The following GNAQ variants were observed in gnomAD, a reference collection of about 807,000 sequenced individuals.
GNAQ encodes guanine nucleotide-binding protein G(q) subunit alpha.
GNAQ carries 8 observed loss-of-function variants against 43.9 expected under a neutral mutation model. That is an observed-to-expected ratio of 0.18 (90% CI 0.11 to 0.33). The LOEUF is 0.33. Among genes scored for constraint, GNAQ ranks in the 10% least tolerant of loss-of-function variants. The pLI, the probability that GNAQ is intolerant of heterozygous loss-of-function variation, is 1.00. For missense variants in GNAQ, 158 were observed against 450.8 expected, an observed-to-expected ratio of 0.35 and a Z score of 5.88; for synonymous variants, 155 against 170.7, an observed-to-expected ratio of 0.91 and a Z score of 0.71.
intron 5 of GNAQ, among the ~76,000 whole-genome samples, chr9:77,754,534 T>C (rs537683474): frequency 6.6e-6 from 1 of 152,348 alleles, no homozygotes; most frequent in East Asian, 1.9e-4. Flanking sequence ...TGTTCTGTCA[T>C]AATCACACTC....
intron 2 of GNAQ, among the ~76,000 whole-genome samples, chr9:77,828,192 C>T (rs982484510): frequency 2.0e-5 from 3 of 147,088 alleles, no homozygotes; most frequent in Admixed American, 6.8e-5. Flanking sequence ...GGTTAATTAT[C>T]ATTTCATGAA....
chr9:77,913,448 T>C (rs1828841857), intron 2 of GNAQ, among the ~76,000 whole-genome samples: 1 of 152,120 alleles, frequency 6.6e-6, no homozygotes. Flanking sequence ...TCAGTTACAC[T>C]AGGCACATTT....
chr9:77,869,993 T>A (rs892965020), intron 2 of GNAQ, among the ~76,000 whole-genome samples: 4 of 152,220 alleles, frequency 2.6e-5, no homozygotes, highest in African/African-American at 9.7e-5. Flanking sequence ...AATGCCTTCA[T>A]AATAGGGACT....
At chr9:77,979,233 A>G (rs1345349081) in intron 1 of GNAQ, among the ~76,000 whole-genome samples, 1 of 151,930 alleles carries the variant, frequency 6.6e-6, no homozygotes, top group East Asian at 1.9e-4. Flanking sequence ...GCGGATGCCT[A>G]TAATCCCAGT....
At chr9:77,927,084 C>T (rs967550642) in intron 1 of GNAQ, among the ~76,000 whole-genome samples, 4 of 152,138 alleles carry the variant, frequency 2.6e-5, no homozygotes, top group African/African-American at 9.7e-5. Flanking sequence ...CTCACACAAT[C>T]TGATGCTTCC....
intron 5 of GNAQ, among the ~76,000 whole-genome samples, chr9:77,748,551 G>A (rs538296319): frequency 1.4e-4 from 21 of 152,330 alleles, no homozygotes; most frequent in African/African-American, 4.8e-4. Flanking sequence ...GAGGATGACA[G>A]AAGTAGGTCA....
At chr9:77,770,377 C>T (rs994074566) in intron 5 of GNAQ, among the ~76,000 whole-genome samples, 2 of 152,272 alleles carry the variant, frequency 1.3e-5, no homozygotes, top group East Asian at 1.9e-4. Flanking sequence ...AAAGGCTTCA[C>T]TTCCCATCCC....
intron 2 of GNAQ, among the ~76,000 whole-genome samples, chr9:77,900,271 T>A (rs953903783): frequency 6.6e-6 from 1 of 152,184 alleles, no homozygotes; most frequent in African/African-American, 2.4e-5. Context: ...GAAACACATG[T>A]ACGAATAACA....
rs1825272661 is a variant in GNAQ at position 77,719,271 on chromosome 9, A to G, written c.*2052T>C. On this transcript the variant is annotated 3_prime_UTR_variant, in exon 7 of 7. Transcript: ENST00000286548. ...ACATACAATACAATTACATAGATAC[A>G]TATCAATACAGCACATTCAATCTGC... 1 of 232,556 alleles carries G rather than the reference A, an allele frequency of 4.3e-6. No individual in the cohort carries two copies. The highest frequency in any genetic ancestry group is 8.5e-6 in the Non-Finnish European group (1 of 117,680). 14.4% of individuals were successfully genotyped at this position (232,556 alleles called of 1,614,324 possible).
At position 77,970,230 on chromosome 9, in the gene GNAQ, A is replaced by T. The variant is rs143469705; in HGVS notation, c.137-47885T>A. 6.3e-4 allele frequency among the ~76,000 whole-genome samples: 95 copies of T among 151,714 alleles called. 1 individual carries two copies. The East Asian group carries it at 0.018, about 29-fold the overall frequency. On this transcript the variant is annotated intron_variant, in intron 1 of 6. Transcript: ENST00000286548. ...GCAAGACTCCATCTCCACAAAAAAA[A>T]AAAAACAAACAAACAAACAAAAAAA...
At chr9:77,903,266 C>T (rs1445024213) in intron 2 of GNAQ, among the ~76,000 whole-genome samples, 2 of 152,074 alleles carry the variant, frequency 1.3e-5, no homozygotes, top group Non-Finnish European at 2.9e-5. Flanking sequence ...CAAGGATGGA[C>T]CTGAATGCCC....
intron 5 of GNAQ, among the ~76,000 whole-genome samples, chr9:77,743,551 G>A (rs947083447): frequency 4.6e-5 from 7 of 152,354 alleles, no homozygotes; most frequent in African/African-American, 1.7e-4. Context: ...AGCTGCCACA[G>A]AGGCAGAGTG....
intron 1 of GNAQ, among the ~76,000 whole-genome samples, chr9:77,963,915 G>C (rs908073921): frequency 6.6e-6 from 1 of 151,870 alleles, no homozygotes; most frequent in South Asian, 2.1e-4. Context: ...AAATTTAAAA[G>C]GCACCCATTT....
In GNAQ at chr9:77,719,226, A is replaced by C; in HGVS notation, c.*2097T>G. 1 of 232,272 alleles carries C rather than the reference A, an allele frequency of 4.3e-6. No homozygotes were observed. Among genetic ancestry groups the C allele is most frequent in the Non-Finnish European group, 8.5e-6 (1 of 117,450 alleles). The allele number at this position is 232,272 out of a possible 1,614,324, so 14.4% of individuals were successfully genotyped here. A position where few individuals can be genotyped will look rare whatever the true frequency, so the allele number is the denominator to read the frequency against. On this transcript the variant is annotated 3_prime_UTR_variant, in exon 7 of 7. Transcript: ENST00000286548. The stretch of plus-strand genomic sequence containing the variant: ...AAAAGTAAATAAAATAACATTATTC[A>C]AAACGTGAATTAGCTATAGACATAC...
intron 5 of GNAQ, among the ~76,000 whole-genome samples, chr9:77,789,950 T>C (rs778181070): frequency 4.2e-4 from 64 of 150,692 alleles, no homozygotes; most frequent in Non-Finnish European, 8.4e-4. Context: ...AGGAGTACAA[T>C]AATGAGGGAA....
intron 1 of GNAQ, among the ~76,000 whole-genome samples, chr9:77,990,801 G>GTA (rs1244694627): frequency 1.3e-5 from 2 of 152,118 alleles, no homozygotes; most frequent in Non-Finnish European, 2.9e-5. Flanking sequence ...GTGTAGTTAT[G>GTA]GTAAGCCAAT....
At chr9:77,955,083 A>C (rs1823026228) in intron 1 of GNAQ, among the ~76,000 whole-genome samples, 1 of 152,218 alleles carries the variant, frequency 6.6e-6, no homozygotes, top group African/African-American at 2.4e-5. Flanking sequence ...CAAAGCTAAG[A>C]ATGTTCGAAC....
At chr9:77,939,924 C>A (rs1225842912) in intron 1 of GNAQ, among the ~76,000 whole-genome samples, 1 of 152,168 alleles carries the variant, frequency 6.6e-6, no homozygotes, top group African/African-American at 2.4e-5. Flanking sequence ...GGTTACCTCA[C>A]AGTTATGTAC....
chr9:77,952,107 G>C (rs1822989085), intron 1 of GNAQ, among the ~76,000 whole-genome samples: 1 of 152,346 alleles, frequency 6.6e-6, no homozygotes, highest in East Asian at 1.9e-4. Context: ...TGGGAAGCCT[G>C]AAATTGAGGT....
Sources: gnomAD v4.1 joint callset for allele counts (sites outside exome capture counted in the v4.1 genomes callset) on GRCh38, gnomAD v4.1.1 for gene constraint, MANE v1.5 for transcripts, NCBI Gene and HGNC (gene_info 2026-07-23, HGNC 2026-07-21) for gene names.